CACNB4: variants seen among roughly 807,000 people sequenced by gnomAD.
CACNB4 encodes the protein calcium voltage-gated channel auxiliary subunit beta 4.
Under a neutral mutation model 71.2 loss-of-function variants are expected in CACNB4, and 32 were observed. The ratio of observed to expected loss-of-function variants is 0.45; its 90% CI spans 0.34 to 0.60. The LOEUF is 0.60. Ranked by LOEUF, CACNB4 falls within the 20% of genes least tolerant of loss-of-function variation. CACNB4 has a pLI of 0.01. For synonymous variants in CACNB4, 231 were observed against 236.9 expected (o/e 0.97, Z 0.23); for missense variants, 464 against 647.9 (o/e 0.72, Z 3.08).
intron 2 of CACNB4, among the ~76,000 whole-genome samples, chr2:152,071,869 C>G (rs1686711617): frequency 6.6e-6 from 1 of 152,160 alleles, no homozygotes; most frequent in African/African-American, 2.4e-5. Flanking sequence ...CAGGCCTTGA[C>G]CAAGATGAAT....
chr2:152,019,912 T>C (rs1272984306), intron 2 of CACNB4, among the ~76,000 whole-genome samples: 1 of 152,210 alleles, frequency 6.6e-6, no homozygotes, highest in Non-Finnish European at 1.5e-5. Context: ...GCTGTACCTA[T>C]GGTTGCCAAA....
At chr2:152,018,781 G>A (rs1426128536) in intron 2 of CACNB4, among the ~76,000 whole-genome samples, 3 of 147,450 alleles carry the variant, frequency 2.0e-5, no homozygotes, top group South Asian at 2.2e-4. Flanking sequence ...TCCACCCTGG[G>A]CAACATAGTA....
At chr2:152,012,369 C>T (rs1487228950) in intron 2 of CACNB4, among the ~76,000 whole-genome samples, 6 of 151,992 alleles carry the variant, frequency 3.9e-5, no homozygotes, top group South Asian at 2.1e-4. Flanking sequence ...TTTGGGAGGC[C>T]GAGGCAGGTG....
In CACNB4 at chr2:152,099,036, C is replaced by A. The variant is rs143675846; in HGVS notation, c.-25G>T. Reference sequence around the variant, plus strand: ...TCGTTCAGAGCCGCCGCATGGCCAGCCCGTGTGCGGTGGGCGGAGGGGGCT... The same window carrying A: ...TCGTTCAGAGCCGCCGCATGGCCAGACCGTGTGCGGTGGGCGGAGGGGGCT... On this transcript the variant is annotated 5_prime_UTR_variant, in exon 1 of 14. Transcript: ENST00000539935. 9,870 of 1,505,854 alleles carry A rather than the reference C, an allele frequency of 6.6e-3. 46 individuals are homozygous for A. The highest frequency in any genetic ancestry group is 9.6e-3 in the Middle Eastern group (43 of 4,460). 93.3% of individuals were successfully genotyped at this position (1,505,854 alleles called of 1,614,324 possible).
At chr2:151,933,968 A>G (rs535700762) in intron 2 of CACNB4, among the ~76,000 whole-genome samples, 3 of 152,342 alleles carry the variant, frequency 2.0e-5, no homozygotes, top group African/African-American at 7.2e-5. Flanking sequence ...TGAGGAGGAC[A>G]ACACCCTGAC....
intron 2 of CACNB4, among the ~76,000 whole-genome samples, chr2:151,960,927 T>G (rs1013815235): frequency 6.6e-6 from 1 of 152,196 alleles, no homozygotes; most frequent in African/African-American, 2.4e-5. Flanking sequence ...TCAATGGATT[T>G]TCACATATTT....
At chr2:152,068,586 G>T (rs1216254228) in intron 2 of CACNB4, among the ~76,000 whole-genome samples, 1 of 152,120 alleles carries the variant, frequency 6.6e-6, no homozygotes, top group Admixed American at 6.5e-5. Flanking sequence ...ATGACTCTGG[G>T]TTCAAACTCC....
At chr2:152,072,808 T>A (rs77832653) in intron 2 of CACNB4, among the ~76,000 whole-genome samples, 1 of 126,734 alleles carries the variant, frequency 7.9e-6, no homozygotes, top group Non-Finnish European at 1.7e-5. Context: ...GCCCAGCTGA[T>A]TTTTTTTTTT....
At chr2:151,867,446 T>C (rs1465118416) in intron 9 of CACNB4, 1 of 152,240 alleles carries the variant, frequency 6.6e-6, no homozygotes, top group African/African-American at 2.4e-5. Context: ...GTTGTCTATC[T>C]GATTGTGGTT....
intron 9 of CACNB4, among the ~76,000 whole-genome samples, chr2:151,863,302 G>T (rs527904204): frequency 6.6e-6 from 1 of 152,130 alleles, no homozygotes; most frequent in Admixed American, 6.5e-5. Context: ...CTGACCTCAG[G>T]TGATCTACCC....
Position 151,837,636 on chromosome 2 carries a change from T to C in CACNB4, c.*1483A>G, listed in dbSNP as rs1404263548. On this transcript the variant is annotated 3_prime_UTR_variant, in exon 14 of 14. Coordinates refer to ENST00000539935, the MANE Select transcript of CACNB4 (RefSeq NM_000726.5). ...AAATAAGTTTTTTTTTTTAAAGACA[T>C]TTGTGTAAAAAGGGTCAATTTCAAT... 26 of 151,908 alleles carry C rather than the reference T, an allele frequency of 1.7e-4. 1 individual carries two copies. The highest frequency in any genetic ancestry group is 1.7e-3 in the Admixed American group (26 of 15,234). The allele number at this position is 151,908 out of a possible 1,614,324, so 9.4% of individuals were successfully genotyped here. A position where few individuals can be genotyped will look rare whatever the true frequency, so the allele number is the denominator to read the frequency against.
chr2:151,844,446 G>A (rs2099837015), intron 12 of CACNB4, among the ~76,000 whole-genome samples: 2 of 152,142 alleles, frequency 1.3e-5, no homozygotes, highest in African/African-American at 4.8e-5. Flanking sequence ...GAGGCACAAT[G>A]GAAGAAAGAG....
intron 2 of CACNB4, among the ~76,000 whole-genome samples, chr2:152,035,183 G>A (rs538891363): frequency 3.9e-5 from 6 of 152,324 alleles, no homozygotes; most frequent in Non-Finnish European, 7.4e-5. Context: ...TTCACAGAAA[G>A]CAAGCACTTT....
At chr2:151,994,723 C>A (rs1477365488) in intron 2 of CACNB4, among the ~76,000 whole-genome samples, 1 of 152,226 alleles carries the variant, frequency 6.6e-6, no homozygotes, top group African/African-American at 2.4e-5. Context: ...GCCCCACCTA[C>A]ATCTAGGAGA....
chr2:152,095,894 C>G (rs2105489218), intron 2 of CACNB4, among the ~76,000 whole-genome samples: 1 of 152,248 alleles, frequency 6.6e-6, no homozygotes, highest in South Asian at 2.1e-4. Flanking sequence ...CTCAAGTGAT[C>G]CGCCCACCTC....
intron 2 of CACNB4, among the ~76,000 whole-genome samples, chr2:151,992,666 C>A (rs762353551): frequency 6.6e-6 from 1 of 152,140 alleles, no homozygotes; most frequent in African/African-American, 2.4e-5. Flanking sequence ...GGGAGCAGAG[C>A]AAATTTAAGT....
intron 2 of CACNB4, among the ~76,000 whole-genome samples, chr2:151,905,727 C>A (rs16830446): frequency 6.6e-6 from 1 of 152,056 alleles, no homozygotes; most frequent in Admixed American, 6.6e-5. Flanking sequence ...AGATGACCAG[C>A]GAGCTTGACA....
chr2:152,096,560 T>C (rs1185880644), intron 2 of CACNB4, among the ~76,000 whole-genome samples: 5 of 152,232 alleles, frequency 3.3e-5, no homozygotes, highest in Non-Finnish European at 7.3e-5. Context: ...AATTAACTCC[T>C]GAATTTAAAT....
At chr2:151,967,952 A>G (rs1303570784) in intron 2 of CACNB4, 1 of 152,242 alleles carries the variant, frequency 6.6e-6, no homozygotes, top group Non-Finnish European at 1.5e-5. Context: ...AGAATATAAA[A>G]TGTAGAGCAA....
Sources: gnomAD v4.1 joint callset for allele counts (sites outside exome capture counted in the v4.1 genomes callset) on GRCh38, gnomAD v4.1.1 for gene constraint, MANE v1.5 for transcripts, NCBI Gene and HGNC (gene_info 2026-07-23, HGNC 2026-07-21) for gene names.